Variants in NFAT5 observed in about 807,000 individuals in gnomAD.
NFAT5 encodes the protein nuclear factor of activated T cells 5, also known as nuclear factor of activated T-cells 5.
Under a neutral mutation model 166.5 loss-of-function variants are expected in NFAT5, and 31 were observed. That is an observed-to-expected ratio of 0.19 (90% CI 0.14 to 0.25). The LOEUF is 0.25. Among genes scored for constraint, NFAT5 ranks in the 10% least tolerant of loss-of-function variants. The probability of loss-of-function intolerance (pLI) is 1.00; values close to 1 mark genes in which losing one functional copy is unlikely to be tolerated. For synonymous variants in NFAT5, 612 were observed against 639.7 expected (o/e 0.96, Z 0.65); for missense variants, 1,449 against 1,821.8 (o/e 0.80, Z 3.72).
At chr16:69,659,639 C>T (rs1398282545) in intron 6 of NFAT5, 88 bp from the exon 7 acceptor site, 1 of 1,159,786 alleles carries the variant, frequency 8.6e-7, no homozygotes, top group African/African-American at 1.6e-5. Flanking sequence ...AATAGATAAG[C>T]AAAATTTTAA....
rs2037863194 is a variant in NFAT5 at position 69,699,752 on chromosome 16, T to C, written c.*3401T>C. Reference sequence around the variant, plus strand: ...ACTGTGAGCCACCTTTTCTTCTTTATATTGTTACATTTAAGTGTTCTTGCT... The same window carrying C: ...ACTGTGAGCCACCTTTTCTTCTTTACATTGTTACATTTAAGTGTTCTTGCT... On this transcript the variant is annotated 3_prime_UTR_variant, in exon 15 of 15. Coordinates refer to ENST00000349945, the MANE Select transcript of NFAT5 (RefSeq NM_138713.4). The C allele has an allele frequency of 6.5e-6, 1 of 152,706 alleles. No individual in the cohort carries two copies. Among genetic ancestry groups the C allele is most frequent in the Non-Finnish European group, 1.5e-5 (1 of 68,030 alleles). 9.5% of individuals were successfully genotyped at this position (152,706 alleles called of 1,614,324 possible).
intron 11 of NFAT5, among the ~76,000 whole-genome samples, chr16:69,689,854 CA>C (rs2037480239): frequency 6.6e-6 from 1 of 152,150 alleles, no homozygotes. Flanking sequence ...CTTTCAGCAG[CA>C]TATTGACTGA....
intron 7 of NFAT5, among the ~76,000 whole-genome samples, chr16:69,669,592 T>G (rs897465935): frequency 2.0e-5 from 3 of 152,282 alleles, no homozygotes; most frequent in East Asian, 3.9e-4. Context: ...TCAACCTGTA[T>G]TTAACAAAGA....
At chr16:69,670,806 C>G (rs1258738587) in intron 9 of NFAT5, among the ~76,000 whole-genome samples, 1 of 152,092 alleles carries the variant, frequency 6.6e-6, no homozygotes, top group Non-Finnish European at 1.5e-5. Flanking sequence ...CAGACAGGAC[C>G]AAACCCCTAG....
At chr16:69,588,490 A>G (rs1206330680) in intron 2 of NFAT5, among the ~76,000 whole-genome samples, 1 of 148,526 alleles carries the variant, frequency 6.7e-6, no homozygotes. Flanking sequence ...AAAGATAGCT[A>G]CTGAGTAATT....
chr16:69,657,684 G>A (rs1375224482), intron 6 of NFAT5, among the ~76,000 whole-genome samples: 2 of 146,856 alleles, frequency 1.4e-5, no homozygotes, highest in South Asian at 2.2e-4. Context: ...GCTTGAAGCC[G>A]GGAGGTGGAG....
In NFAT5 at chr16:69,661,539, T is replaced by TAAAAAAAAA. The variant is rs1037382239; in HGVS notation, c.1369+1660_1369+1668dup. 5.3e-3 allele frequency among the ~76,000 whole-genome samples: 201 copies of TAAAAAAAAA among 37,924 alleles called. 8 individuals are homozygous for TAAAAAAAAA. The highest frequency in any genetic ancestry group is 0.016 in the African/African-American group (134 of 8,142). 24.9% of individuals were successfully genotyped at this position (37,924 alleles called of 152,430 possible). On this transcript the variant is annotated intron_variant, in intron 7 of 14. Coordinates refer to ENST00000349945, the MANE Select transcript of NFAT5 (RefSeq NM_138713.4). The stretch of plus-strand genomic sequence containing the variant: ...AGCCTGTATAAGAGACCCAGTCTCT[T>TAAAAAAAAA]AAAAAAAAAAAAAAAAAAAAAAAAA...
chr16:69,631,282 T>C (rs558597532), intron 3 of NFAT5, among the ~76,000 whole-genome samples: 1 of 151,968 alleles, frequency 6.6e-6, no homozygotes, highest in African/African-American at 2.4e-5. Context: ...AATACAAAAA[T>C]TAGCTGGGCA....
rs1166956398 is a variant in NFAT5, at chr16:69,632,726, C to T, written c.253+6198C>T. ...TTAACATATTTCAGAATTTTTGCCA[C>T]CTAATGTAGTATACTCTTCATGAAA... On this transcript the variant is annotated intron_variant, in intron 3 of 14. Transcript: ENST00000349945. Among the ~76,000 whole-genome samples the T allele has an allele frequency of 2.6e-5, 4 of 152,200 alleles. No individual in the cohort carries two copies. The East Asian group carries it at 7.7e-4, about 29-fold the overall frequency.
intron 1 of NFAT5, 119 bp from the exon 2 acceptor site, chr16:69,568,376 G>GTGTATATATA (rs1163472084): frequency 9.7e-5 from 28 of 288,626 alleles, no homozygotes; most frequent in Non-Finnish European, 1.6e-4. Flanking sequence ...GTGTGTGTGT[G>GTGTATATATA]TATATATATA....
intron 2 of NFAT5, among the ~76,000 whole-genome samples, chr16:69,602,740 G>T (rs1333374052): frequency 6.6e-6 from 1 of 151,436 alleles, no homozygotes; most frequent in Admixed American, 6.6e-5. Flanking sequence ...AAGTAGTTGG[G>T]ACTACAGGCG....
At chr16:69,689,773 G>A (rs1468777740) in intron 11 of NFAT5, among the ~76,000 whole-genome samples, 2 of 152,138 alleles carry the variant, frequency 1.3e-5, no homozygotes, top group Non-Finnish European at 2.9e-5. Context: ...TCGAACTGCT[G>A]GCCTCAAGTG....
chr16:69,637,320 A>G (rs1597447159), intron 3 of NFAT5, among the ~76,000 whole-genome samples: 1 of 152,298 alleles, frequency 6.6e-6, no homozygotes, highest in South Asian at 2.1e-4. Flanking sequence ...TGAGCCCTCC[A>G]AACTGTTCCA....
intron 11 of NFAT5, among the ~76,000 whole-genome samples, chr16:69,688,601 T>C (rs1482152445): frequency 6.6e-6 from 1 of 152,084 alleles, no homozygotes; most frequent in East Asian, 1.9e-4. Context: ...ACTCCTGACC[T>C]CGTGGTCCAC....
In NFAT5 at chr16:69,691,770, A is replaced by G. The variant is rs2037554143; in HGVS notation, c.1945A>G (p.Thr649Ala). The G allele has an allele frequency of 6.2e-7, 1 of 1,613,414 alleles. No homozygotes were observed. Among genetic ancestry groups the G allele is most frequent in the Non-Finnish European group, 8.5e-7 (1 of 1,179,796 alleles). ...IFKTTKSVGS[T>A]QQTLENISNI... ...TTAGACTACAAAGTCTGTTGGATCA[A>G]CTCAGCAAACATTAGAAAACATCTC... Residue 649 changes from threonine to alanine, a missense_variant, in exon 13 of 15, where the codon ACT becomes GCT. Coordinates refer to ENST00000349945, the MANE Select transcript of NFAT5 (RefSeq NM_138713.4).
rs1037382239 is a variant in NFAT5, at chr16:69,661,539, T to TAAAAAAAAAAAAAAAA, written c.1369+1653_1369+1668dup. ...AGCCTGTATAAGAGACCCAGTCTCT[T>TAAAAAAAAAAAAAAAA]AAAAAAAAAAAAAAAAAAAAAAAAA... is the stretch of plus-strand genomic sequence containing the variant. On this transcript the variant is annotated intron_variant, in intron 7 of 14. Transcript: ENST00000349945. Among the ~76,000 whole-genome samples, 5 of 37,934 alleles carry TAAAAAAAAAAAAAAAA rather than the reference T, an allele frequency of 1.3e-4. 1 individual carries two copies. The highest frequency in any genetic ancestry group is 4.9e-4 in the African/African-American group (4 of 8,150). The allele number at this position is 37,934 out of a possible 152,430, so 24.9% of individuals were successfully genotyped here. A position where few individuals can be genotyped will look rare whatever the true frequency, so the allele number is the denominator to read the frequency against.
At chr16:69,677,024 T>G (rs1219596661) in intron 9 of NFAT5, 179 bp from the exon 10 acceptor site, 24 of 560,468 alleles carry the variant, frequency 4.3e-5, no homozygotes, top group Non-Finnish European at 9.0e-6. Context: ...ACTTGGATTT[T>G]ACCTTAAAAG....
intron 7 of NFAT5, among the ~76,000 whole-genome samples, chr16:69,663,318 A>T (rs532194209): frequency 6.6e-6 from 1 of 152,266 alleles, no homozygotes; most frequent in Admixed American, 6.5e-5. Flanking sequence ...TTTTAAGGGG[A>T]TAGAAGATCA....
At chr16:69,605,458 G>A (rs1304430170) in intron 2 of NFAT5, among the ~76,000 whole-genome samples, 1 of 152,152 alleles carries the variant, frequency 6.6e-6, no homozygotes, top group Non-Finnish European at 1.5e-5. Flanking sequence ...TAGAAAAGTA[G>A]TATACAGTAA....
Sources: gnomAD v4.1 joint callset for allele counts (sites outside exome capture counted in the v4.1 genomes callset) on GRCh38, gnomAD v4.1.1 for gene constraint, MANE v1.5 for transcripts, NCBI Gene and HGNC (gene_info 2026-07-23, HGNC 2026-07-21) for gene names.